HS3ST5: variants seen among roughly 807,000 people sequenced by gnomAD.
HS3ST5 encodes the protein heparan sulfate-glucosamine 3-sulfotransferase 5.
Under a neutral mutation model 25.4 loss-of-function variants are expected in HS3ST5, and 10 were observed. That is an observed-to-expected ratio of 0.39 (90% CI 0.24 to 0.67). The LOEUF is 0.67. HS3ST5 is among the 30% of genes least tolerant of loss of function. The pLI, the probability that HS3ST5 is intolerant of heterozygous loss-of-function variation, is 0.44. For missense variants in HS3ST5, 324 were observed against 420.7 expected, an observed-to-expected ratio of 0.77 and a Z score of 2.01; for synonymous variants, 170 against 162.4, an observed-to-expected ratio of 1.05 and a Z score of -0.36.
At chr6:114,244,547 T>G (rs1772294254) in intron 1 of HS3ST5, among the ~76,000 whole-genome samples, 1 of 152,216 alleles carries the variant, frequency 6.6e-6, no homozygotes, top group Non-Finnish European at 1.5e-5. Flanking sequence ...AGGTGAAATA[T>G]TTGAGCACGA....
At chr6:114,289,162 C>G (rs1774464192) in intron 1 of HS3ST5, among the ~76,000 whole-genome samples, 1 of 152,008 alleles carries the variant, frequency 6.6e-6, no homozygotes, top group Admixed American at 6.6e-5. Context: ...ATTTTAAAAT[C>G]TATTTCATAG....
At chr6:114,264,159 T>C (rs1272635707) in intron 1 of HS3ST5, among the ~76,000 whole-genome samples, 1 of 152,228 alleles carries the variant, frequency 6.6e-6, no homozygotes, top group Non-Finnish European at 1.5e-5. Context: ...TAGAGCCACA[T>C]TACTATGTGT....
rs534317048 is a variant in HS3ST5 at position 114,060,654 on chromosome 6, C to A, written c.107+2085G>T. Among the ~76,000 whole-genome samples, 262 of 152,252 alleles carry A rather than the reference C, an allele frequency of 1.7e-3. 2 individuals are homozygous for A. The highest frequency in any genetic ancestry group is 2.2e-3 in the Non-Finnish European group (152 of 68,008). On this transcript the variant is annotated intron_variant, in intron 4 of 4. Coordinates refer to ENST00000312719, the MANE Select transcript of HS3ST5 (RefSeq NM_153612.4). ...AAATTCTTTTTTGTAGGATTTAATT[C>A]TTTCATAGTACCCTGGCTGAGAGTG... is the stretch of plus-strand genomic sequence containing the variant.
intron 1 of HS3ST5, among the ~76,000 whole-genome samples, chr6:114,258,253 G>T (rs1773020142): frequency 6.6e-6 from 1 of 152,164 alleles, no homozygotes. Flanking sequence ...TGACTCTGTG[G>T]GGAGTGCGTG....
rs1438451209 is a variant in HS3ST5 at position 114,342,894 on chromosome 6, G to C, written c.-1038C>G. 6.6e-6 allele frequency: 1 copy of C among 152,648 alleles called. No homozygotes were observed. The highest frequency in any genetic ancestry group is 1.5e-5 in the Non-Finnish European group (1 of 68,414). 9.5% of individuals were successfully genotyped at this position (152,648 alleles called of 1,614,324 possible). A position where few individuals can be genotyped will look rare whatever the true frequency, so the allele number is the denominator to read the frequency against. On this transcript the variant is annotated 5_prime_UTR_variant, in exon 1 of 5. Transcript: ENST00000312719. The stretch of plus-strand genomic sequence containing the variant: ...ACGGCCGCCGCCCGGCCCCCAGAGC[G>C]CCCGAGCCGGCAGCTGCCTCCCGGA...
chr6:114,094,797 G>T (rs1049379293), intron 3 of HS3ST5, among the ~76,000 whole-genome samples: 3 of 152,046 alleles, frequency 2.0e-5, no homozygotes, highest in African/African-American at 7.2e-5. Flanking sequence ...CTTGTGTCTA[G>T]CCCACATAGC....
intron 3 of HS3ST5, chr6:114,143,876 C>T (rs541990958): frequency 3.3e-5 from 5 of 152,650 alleles, no homozygotes; most frequent in East Asian, 1.9e-4. Context: ...CCAAAACCAA[C>T]GCATAGCCTC....
At chr6:114,268,032 C>T (rs112536870) in intron 1 of HS3ST5, among the ~76,000 whole-genome samples, 105 of 152,288 alleles carry the variant, frequency 6.9e-4, no homozygotes, top group African/African-American at 2.3e-3. Flanking sequence ...ACATATACAT[C>T]GTGAGCTTTC....
chr6:114,322,713 A>G (rs534424487), intron 1 of HS3ST5, among the ~76,000 whole-genome samples: 77 of 152,250 alleles, frequency 5.1e-4, no homozygotes, highest in Admixed American at 1.4e-3. Context: ...CTTGCCATCT[A>G]TAATTCCCAA....
At chr6:114,148,576 G>A (rs367985511) in intron 3 of HS3ST5, among the ~76,000 whole-genome samples, 200 of 152,228 alleles carry the variant, frequency 1.3e-3, no homozygotes, top group African/African-American at 4.5e-3. Flanking sequence ...AGCCAAGATC[G>A]CGCCACTGTA....
At chr6:114,139,572 A>G (rs1777803822) in intron 3 of HS3ST5, among the ~76,000 whole-genome samples, 1 of 151,942 alleles carries the variant, frequency 6.6e-6, no homozygotes, top group Non-Finnish European at 1.5e-5. Flanking sequence ...AAGGAAGGAG[A>G]CAACAAGATT....
At chr6:114,192,020 T>A (rs1780529021) in intron 2 of HS3ST5, among the ~76,000 whole-genome samples, 1 of 152,136 alleles carries the variant, frequency 6.6e-6, no homozygotes, top group African/African-American at 2.4e-5. Context: ...TATCTGTTCT[T>A]CAAGAGAGAA....
intron 3 of HS3ST5, among the ~76,000 whole-genome samples, chr6:114,154,546 A>G (rs762641984): frequency 3.3e-5 from 5 of 152,182 alleles, no homozygotes; most frequent in Admixed American, 6.5e-5. Flanking sequence ...TATCAAAACA[A>G]TATTCATTGT....
chr6:114,237,903 A>T (rs72954564), intron 1 of HS3ST5, among the ~76,000 whole-genome samples: 6,990 of 152,314 alleles, frequency 0.046, 180 homozygotes, highest in Middle Eastern at 0.075. Flanking sequence ...ATAAAATATA[A>T]GCACTGTCAG....
chr6:114,106,087 T>G (rs1775979832), intron 3 of HS3ST5, among the ~76,000 whole-genome samples: 1 of 152,094 alleles, frequency 6.6e-6, no homozygotes, highest in Non-Finnish European at 1.5e-5. Flanking sequence ...GATATTATAT[T>G]GCCTGTGGGA....
At chr6:114,256,879 G>A (rs1772949545) in intron 1 of HS3ST5, among the ~76,000 whole-genome samples, 1 of 152,126 alleles carries the variant, frequency 6.6e-6, no homozygotes, top group South Asian at 2.1e-4. Flanking sequence ...AGACATACCT[G>A]AGGCTGGTTA....
chr6:114,147,750 T>G (rs1778240456), intron 3 of HS3ST5, among the ~76,000 whole-genome samples: 1 of 152,000 alleles, frequency 6.6e-6, no homozygotes. Flanking sequence ...TTCGCTAATT[T>G]TTGTATTTTT....
chr6:114,163,448 T>C (rs1420728074), intron 3 of HS3ST5, among the ~76,000 whole-genome samples: 2 of 152,138 alleles, frequency 1.3e-5, no homozygotes, highest in Non-Finnish European at 2.9e-5. Flanking sequence ...GTCTTTATTG[T>C]ATAAATAAGA....
rs1055905515 is a variant in HS3ST5 at position 114,163,008 on chromosome 6, C to T, written c.-33+5343G>A. Among the ~76,000 whole-genome samples, 24 of 152,078 alleles carry T rather than the reference C, an allele frequency of 1.6e-4. 1 individual carries two copies. The East Asian group carries it at 2.1e-3, about 13-fold the overall frequency. ...TTATCTGCCAATGTCCCCAGCACAACGCTATAAAAATAGTTGGCCATCAAT... is the reference window on the plus strand; with the variant it reads ...TTATCTGCCAATGTCCCCAGCACAATGCTATAAAAATAGTTGGCCATCAAT... On this transcript the variant is annotated intron_variant, in intron 3 of 4. Coordinates refer to ENST00000312719, the MANE Select transcript of HS3ST5 (RefSeq NM_153612.4).
Sources: allele counts gnomAD v4.1 joint callset (sites outside exome capture counted in the v4.1 genomes callset), GRCh38; gene constraint gnomAD v4.1.1; transcripts MANE v1.5; gene names NCBI Gene and HGNC (gene_info 2026-07-23, HGNC 2026-07-21).